FANK1: variants seen among roughly 807,000 people sequenced by gnomAD.
FANK1 encodes the protein fibronectin type III and ankyrin repeat domains 1, also known as fibronectin type 3 and ankyrin repeat domains protein 1.
In FANK1, 44 loss-of-function variants were observed where a neutral mutation model predicts 45.3. The observed-to-expected ratio is 0.97, with a 90% CI of 0.76 to 1.25. FANK1 has a LOEUF of 1.25. Among genes scored for constraint, FANK1 ranks in the 50% most tolerant of loss-of-function variants. FANK1 has a pLI of 0.00. For synonymous variants in FANK1, 149 were observed against 152.5 expected, an observed-to-expected ratio of 0.98 and a Z score of 0.17; for missense variants, 391 against 424.4, an observed-to-expected ratio of 0.92 and a Z score of 0.69.
chr10:125,933,556 A>G (rs982307873), intron 1 of FANK1, among the ~76,000 whole-genome samples: 1 of 151,968 alleles, frequency 6.6e-6, no homozygotes, highest in Non-Finnish European at 1.5e-5. Flanking sequence ...TGGTCTATCA[A>G]TTTTATTTAT....
chr10:125,999,455 C>A (rs1163057834), intron 6 of FANK1, among the ~76,000 whole-genome samples: 8 of 152,286 alleles, frequency 5.3e-5, no homozygotes, highest in African/African-American at 1.9e-4. Context: ...GTGAAGGTTA[C>A]TTTCAGCCTT....
chr10:125,961,018 G>A (rs1156349078), intron 1 of FANK1, among the ~76,000 whole-genome samples: 1 of 152,146 alleles, frequency 6.6e-6, no homozygotes, highest in African/African-American at 2.4e-5. Context: ...AAGACAGCAT[G>A]GTACTGTCAT....
At chr10:125,985,237 TG>T (rs1951474916) in intron 2 of FANK1, among the ~76,000 whole-genome samples, 1 of 152,256 alleles carries the variant, frequency 6.6e-6, no homozygotes, top group South Asian at 2.1e-4. Context: ...TTTGACACCT[TG>T]CACTGAATTC....
rs200732681 is a variant in FANK1, at chr10:126,008,531, A to G, written c.830A>G (p.Asn277Ser). ...AGANVNVKDRNGKTPLMVAVL... is the reference protein window; with the variant it reads ...AGANVNVKDRSGKTPLMVAVL... ...GCCAATGTGAATGTGAAGGACAGAA[A>G]TGGAAAGACGCCCCTTATGGTAGGT... Residue 277 changes from asparagine (N) to serine (S), a missense_variant, in exon 8 of 11, where the codon AAT becomes AGT. Coordinates refer to ENST00000368693, the MANE Select transcript of FANK1 (RefSeq NM_145235.5). 8.4e-5 allele frequency: 135 copies of G among 1,611,684 alleles called. No individual in the cohort carries two copies. In the East Asian group the frequency reaches 2.8e-3, roughly 34 times the overall value.
chr10:125,917,069 G>T (rs1352082623), intron 1 of FANK1, among the ~76,000 whole-genome samples: 1 of 152,218 alleles, frequency 6.6e-6, no homozygotes, highest in African/African-American at 2.4e-5. Context: ...ATTATGGGAG[G>T]CCATTCTTTT....
At chr10:125,973,893 G>A (rs1292126754) in intron 1 of FANK1, 2 of 151,926 alleles carry the variant, frequency 1.3e-5, no homozygotes, top group Non-Finnish European at 2.9e-5. Flanking sequence ...AACATGTAGT[G>A]TTTTTTGCGT....
rs541359292 is a variant in FANK1 at position 125,927,717 on chromosome 10, AT to A, written c.13+31070del. Among the ~76,000 whole-genome samples, 59 of 137,724 alleles carry A rather than the reference AT, an allele frequency of 4.3e-4. No homozygotes were observed. The South Asian group carries it at 0.014, about 32-fold the overall frequency. The allele number at this position is 137,724 out of a possible 152,430, so 90.4% of individuals were successfully genotyped here. ...AGGTGCCCACCACCACGCTTGGCTAATTTTTTTTAGTAGAGACGGGGTTTTG... is the reference window on the plus strand; with the variant it reads ...AGGTGCCCACCACCACGCTTGGCTAATTTTTTTAGTAGAGACGGGGTTTTG... On this transcript the variant is annotated intron_variant, in intron 1 of 10. Coordinates refer to ENST00000368693, the MANE Select transcript of FANK1 (RefSeq NM_145235.5).
intron 1 of FANK1, among the ~76,000 whole-genome samples, chr10:125,949,501 A>G (rs531339919): frequency 8.5e-5 from 13 of 152,186 alleles, no homozygotes; most frequent in African/African-American, 2.9e-4. Context: ...TCATGAGTGA[A>G]CTCCCATTCC....
At chr10:126,001,458 G>T (rs1952750546) in intron 6 of FANK1, among the ~76,000 whole-genome samples, 1 of 151,320 alleles carries the variant, frequency 6.6e-6, no homozygotes, top group Non-Finnish European at 1.5e-5. Flanking sequence ...ATGTGACCCT[G>T]AGCAGGGGAC....
rs751214803 is a variant in FANK1, at chr10:125,988,802, G to A, written c.316+127G>A. 7 of 1,438,630 alleles carry A rather than the reference G, an allele frequency of 4.9e-6. No homozygotes were observed. The Admixed American group carries it at 1.0e-4, about 21-fold the overall frequency. 89.1% of individuals were successfully genotyped at this position (1,438,630 alleles called of 1,614,324 possible). On this transcript the variant is annotated intron_variant, in intron 3 of 10. Transcript: ENST00000368693. ...AGAAATGATACAATTTTTAAACACT[G>A]CAATAATATTTGCTAGTTGGGCCTT...
At chr10:125,904,939 CAG>C (rs932905473) in intron 1 of FANK1, among the ~76,000 whole-genome samples, 3 of 143,952 alleles carry the variant, frequency 2.1e-5, no homozygotes, top group African/African-American at 5.1e-5. Flanking sequence ...TCCTGGCTAA[CAG>C]GGTGAAACCC....
At chr10:126,008,627 T>C in intron 8 of FANK1, 77 bp downstream of exon 8, 3 of 1,518,428 alleles carry the variant, frequency 2.0e-6, no homozygotes, top group Non-Finnish European at 2.7e-6. Context: ...TAGACAATTC[T>C]TGTGAGTTCA....
At chr10:125,984,134 G>A (rs915413559) in intron 2 of FANK1, among the ~76,000 whole-genome samples, 9 of 152,196 alleles carry the variant, frequency 5.9e-5, no homozygotes, top group Non-Finnish European at 8.8e-5. Context: ...AAGCATCAGC[G>A]TCACAGTCTC....
At chr10:125,935,786 C>G (rs896335631) in intron 1 of FANK1, among the ~76,000 whole-genome samples, 2 of 152,086 alleles carry the variant, frequency 1.3e-5, no homozygotes, top group African/African-American at 4.8e-5. Context: ...TATAACAATT[C>G]TGTCATAATA....
intron 1 of FANK1, among the ~76,000 whole-genome samples, chr10:125,944,667 A>C (rs1015553128): frequency 2.0e-5 from 3 of 152,230 alleles, no homozygotes; most frequent in African/African-American, 7.2e-5. Flanking sequence ...AAAACCGCTT[A>C]AAGGCATTCT....
At position 125,960,861 on chromosome 10, in the gene FANK1, A is replaced by C. The variant is rs560240962; in HGVS notation, c.14-19300A>C. Among the ~76,000 whole-genome samples the C allele has an allele frequency of 1.2e-4, 19 of 152,248 alleles. No homozygotes were observed. In the South Asian group the frequency reaches 3.9e-3, roughly 32 times the overall value. On this transcript the variant is annotated intron_variant, in intron 1 of 10. Coordinates refer to ENST00000368693, the MANE Select transcript of FANK1 (RefSeq NM_145235.5). ...TCAATGCAGTCTTTATCAAAATACCAATGACATTCTTCATAGAAATAAAAA... is the reference window on the plus strand; with the variant it reads ...TCAATGCAGTCTTTATCAAAATACCCATGACATTCTTCATAGAAATAAAAA...
At chr10:125,972,893 A>AATACACAC (rs369684358) in intron 1 of FANK1, 1 of 142,342 alleles carries the variant, frequency 7.0e-6, no homozygotes, top group Admixed American at 7.0e-5. Flanking sequence ...ACCTGCCCCC[A>AATACACAC]ACACACACAC....
intron 1 of FANK1, chr10:125,972,243 G>A (rs868616258): frequency 2.6e-5 from 4 of 152,142 alleles, no homozygotes; most frequent in African/African-American, 4.8e-5. Context: ...CCTCAGTGAC[G>A]GCCTGTGACC....
At chr10:125,917,938 G>A (rs1589842896) in intron 1 of FANK1, among the ~76,000 whole-genome samples, 1 of 152,304 alleles carries the variant, frequency 6.6e-6, no homozygotes, top group African/African-American at 2.4e-5. Context: ...GAAAAGTCAG[G>A]TGTGGTGGAA....
Sources: gnomAD v4.1 joint callset for allele counts (sites outside exome capture counted in the v4.1 genomes callset) on GRCh38, gnomAD v4.1.1 for gene constraint, MANE v1.5 for transcripts, NCBI Gene and HGNC (gene_info 2026-07-23, HGNC 2026-07-21) for gene names.